The following GRID2 variants were observed in gnomAD, a reference collection of about 807,000 sequenced individuals.
GRID2 encodes the protein glutamate receptor ionotropic, delta-2.
Under a neutral mutation model 114.8 loss-of-function variants are expected in GRID2, and 33 were observed. That is an observed-to-expected ratio of 0.29 (90% CI 0.22 to 0.38). GRID2 has a LOEUF of 0.38. Ranked by LOEUF, GRID2 falls within the 10% of genes least tolerant of loss-of-function variation. The probability of loss-of-function intolerance (pLI) is 1.00; values close to 1 mark genes in which losing one functional copy is unlikely to be tolerated. For missense variants in GRID2, 1,184 were observed against 1,257.7 expected (o/e 0.94, Z 0.89); for synonymous variants, 505 against 449.9 (o/e 1.12, Z -1.55).
chr4:92,951,917 A>G (rs567030659), intron 2 of GRID2, among the ~76,000 whole-genome samples: 3 of 152,134 alleles, frequency 2.0e-5, no homozygotes, highest in African/African-American at 7.2e-5. Flanking sequence ...GCTGTGTATT[A>G]TTTCATTACA....
chr4:92,958,570 C>T (rs1010977225), intron 2 of GRID2, among the ~76,000 whole-genome samples: 3 of 152,020 alleles, frequency 2.0e-5, no homozygotes, highest in South Asian at 4.1e-4. Flanking sequence ...ATTTGATTTG[C>T]TAATATTTTG....
chr4:93,634,835 A>T (rs1243475691), intron 14 of GRID2, among the ~76,000 whole-genome samples: 1 of 152,082 alleles, frequency 6.6e-6, no homozygotes, highest in African/African-American at 2.4e-5. Context: ...TTGGTGAAAA[A>T]TCAAAGAAGT....
intron 2 of GRID2, among the ~76,000 whole-genome samples, chr4:92,919,805 G>A (rs1749151977): frequency 6.6e-6 from 1 of 152,144 alleles, no homozygotes; most frequent in Admixed American, 6.5e-5. Flanking sequence ...GTGTGGTGTG[G>A]TGCTGAGAAG....
chr4:93,374,067 A>G (rs1763164416), intron 8 of GRID2, among the ~76,000 whole-genome samples: 1 of 152,150 alleles, frequency 6.6e-6, no homozygotes, highest in South Asian at 2.1e-4. Context: ...GCCACTTTCC[A>G]CTTAAATGCC....
chr4:93,591,789 G>A (rs1406110860), intron 13 of GRID2, among the ~76,000 whole-genome samples: 1 of 152,220 alleles, frequency 6.6e-6, no homozygotes, highest in Non-Finnish European at 1.5e-5. Flanking sequence ...TCTTGGGAGA[G>A]TGTATGTGTC....
intron 1 of GRID2, among the ~76,000 whole-genome samples, chr4:92,326,233 A>T (rs1160053125): frequency 6.6e-6 from 1 of 151,956 alleles, no homozygotes; most frequent in Non-Finnish European, 1.5e-5. Flanking sequence ...AAGGTCAGTA[A>T]CTTATTGAGA....
At position 92,713,478 on chromosome 4, in the gene GRID2, T is replaced by C. The variant is rs60354235; in HGVS notation, c.244+123192T>C. Among the ~76,000 whole-genome samples the C allele has an allele frequency of 2.7e-3, 97 of 35,364 alleles. 1 individual carries two copies. The East Asian group carries it at 0.077, about 28-fold the overall frequency. The allele number at this position is 35,364 out of a possible 152,430, so 23.2% of individuals were successfully genotyped here. ...ACATATATTTACATATACATATACA[T>C]ATATATATATATATATATATATATA... On this transcript the variant is annotated intron_variant, in intron 2 of 15. Transcript: ENST00000282020.
chr4:93,206,681 GA>G (rs1392814936), intron 4 of GRID2, among the ~76,000 whole-genome samples: 1 of 151,130 alleles, frequency 6.6e-6, no homozygotes, highest in Non-Finnish European at 1.5e-5. Context: ...GAATCATTTA[GA>G]ATAAATGTAT....
At chr4:93,150,494 A>G (rs1490933285) in intron 4 of GRID2, among the ~76,000 whole-genome samples, 3 of 152,086 alleles carry the variant, frequency 2.0e-5, no homozygotes, top group African/African-American at 4.8e-5. Flanking sequence ...CTCTTTGCTT[A>G]TAAGTGCTCA....
intron 2 of GRID2, among the ~76,000 whole-genome samples, chr4:92,760,433 C>A (rs1437445367): frequency 6.6e-6 from 1 of 152,036 alleles, no homozygotes; most frequent in Non-Finnish European, 1.5e-5. Context: ...CACCCTTTCA[C>A]TGAGCAGGTC....
intron 14 of GRID2, among the ~76,000 whole-genome samples, chr4:93,725,350 A>G (rs1433674525): frequency 2.6e-5 from 4 of 152,192 alleles, no homozygotes; most frequent in Admixed American, 6.5e-5. Flanking sequence ...TCCATGGTGT[A>G]TATGTGCCAC....
At chr4:92,402,322 T>C (rs1730824600) in intron 1 of GRID2, among the ~76,000 whole-genome samples, 2 of 152,176 alleles carry the variant, frequency 1.3e-5, no homozygotes. Flanking sequence ...CACGTTTTTA[T>C]TGGTATCTAG....
At chr4:93,352,289 T>G (rs557074877) in intron 8 of GRID2, among the ~76,000 whole-genome samples, 110 of 152,090 alleles carry the variant, frequency 7.2e-4, no homozygotes, top group Non-Finnish European at 1.5e-3. Context: ...GTTCAAAGTT[T>G]GAAGAACTCT....
intron 2 of GRID2, among the ~76,000 whole-genome samples, chr4:92,659,293 G>A (rs1732407103): frequency 6.6e-6 from 1 of 151,532 alleles, no homozygotes; most frequent in Non-Finnish European, 1.5e-5. Flanking sequence ...ACACTTTACA[G>A]TAATGCTTAG....
chr4:93,140,768 A>G (rs1274469546), intron 4 of GRID2, among the ~76,000 whole-genome samples: 1 of 152,226 alleles, frequency 6.6e-6, no homozygotes, highest in African/African-American at 2.4e-5. Context: ...GTCTATGCCA[A>G]TCAATACATT....
At chr4:92,335,239 T>A (rs1727103541) in intron 1 of GRID2, among the ~76,000 whole-genome samples, 1 of 152,216 alleles carries the variant, frequency 6.6e-6, no homozygotes. Context: ...AAGTTTGGCA[T>A]GAAGTTACTC....
In GRID2 at chr4:93,340,240, C is replaced by CT. The variant is rs33924908; in HGVS notation, c.1246-55349dup. 6.1e-3 allele frequency among the ~76,000 whole-genome samples: 859 copies of CT among 139,768 alleles called. 11 individuals carry two copies. Among genetic ancestry groups the CT allele is most frequent in the Middle Eastern group, 0.016 (4 of 256 alleles). 91.7% of individuals were successfully genotyped at this position (139,768 alleles called of 152,430 possible). A position where few individuals can be genotyped will look rare whatever the true frequency, so the allele number is the denominator to read the frequency against. On this transcript the variant is annotated intron_variant, in intron 8 of 15. Transcript: ENST00000282020. Reference sequence around the variant, plus strand: ...ATAACTTCAACCCATTATCTCCTCTCTTTTTTTTTTTTTTTTTTAACTTTC... The same window carrying CT: ...ATAACTTCAACCCATTATCTCCTCTCTTTTTTTTTTTTTTTTTTTAACTTTC...
At chr4:92,719,326 A>G (rs1015191553) in intron 2 of GRID2, among the ~76,000 whole-genome samples, 1 of 152,144 alleles carries the variant, frequency 6.6e-6, no homozygotes. Context: ...TGAAGTTATA[A>G]AACACTTTTA....
intron 13 of GRID2, among the ~76,000 whole-genome samples, chr4:93,523,327 C>A (rs1018432043): frequency 1.3e-5 from 2 of 152,088 alleles, no homozygotes; most frequent in African/African-American, 4.8e-5. Flanking sequence ...TTGGGACAGT[C>A]TCGATTTTGC....
Sources: allele counts gnomAD v4.1 joint callset (sites outside exome capture counted in the v4.1 genomes callset), GRCh38; gene constraint gnomAD v4.1.1; transcripts MANE v1.5; gene names NCBI Gene and HGNC (gene_info 2026-07-23, HGNC 2026-07-21).